CHD6: variants seen among roughly 807,000 people sequenced by gnomAD.
The protein encoded by CHD6 is chromodomain helicase DNA binding protein 6, also known as ATP-dependent chromatin remodeler CHD6.
Under a neutral mutation model 276.9 loss-of-function variants are expected in CHD6, and 50 were observed. The ratio of observed to expected loss-of-function variants is 0.18; its 90% CI spans 0.14 to 0.23. The LOEUF is 0.23. Ranked by LOEUF, CHD6 falls within the 10% of genes least tolerant of loss-of-function variation. The pLI, the probability that CHD6 is intolerant of heterozygous loss-of-function variation, is 1.00. For synonymous variants in CHD6, 1,173 were observed against 1,229.3 expected (o/e 0.95, Z 0.96); for missense variants, 2,564 against 3,365.8 (o/e 0.76, Z 5.89).
chr20:41,410,521 C>T (rs2145390772), intron 36 of CHD6, among the ~76,000 whole-genome samples: 1 of 152,304 alleles, frequency 6.6e-6, no homozygotes, highest in East Asian at 1.9e-4. Context: ...CCCTAGAAGG[C>T]CCTGTCCCAA....
At chr20:41,447,795 T>C (rs1396704563) in intron 24 of CHD6, 87 bp downstream of exon 24, 1 of 913,040 alleles carries the variant, frequency 1.1e-6, no homozygotes, top group East Asian at 2.6e-5. Context: ...TGGGCCTCTT[T>C]AAGCACAGGC....
At chr20:41,555,418 C>T (rs1158376515) in intron 1 of CHD6, among the ~76,000 whole-genome samples, 3 of 150,866 alleles carry the variant, frequency 2.0e-5, no homozygotes, top group African/African-American at 4.9e-5. Flanking sequence ...GGGCTGACCC[C>T]CACCTCCCTC....
chr20:41,596,777 T>C (rs1331449653), intron 1 of CHD6, among the ~76,000 whole-genome samples: 1 of 152,136 alleles, frequency 6.6e-6, no homozygotes, highest in African/African-American at 2.4e-5. Flanking sequence ...GAGGATCCCC[T>C]TGGGCAGGGG....
At chr20:41,527,633 T>C (rs1177332744) in intron 3 of CHD6, among the ~76,000 whole-genome samples, 1 of 152,192 alleles carries the variant, frequency 6.6e-6, no homozygotes, top group East Asian at 1.9e-4. Context: ...GACTTTTTAC[T>C]AAAGGCTATT....
chr20:41,525,420 T>G lies in CHD6; in HGVS notation c.554+7630A>C, dbSNP rs905072647. Among the ~76,000 whole-genome samples the G allele has an allele frequency of 3.3e-5, 5 of 152,264 alleles. No individual in the cohort carries two copies. The South Asian group carries it at 8.3e-4, about 25-fold the overall frequency. On this transcript the variant is annotated intron_variant, in intron 3 of 36. Coordinates refer to ENST00000373233, the MANE Select transcript of CHD6 (RefSeq NM_032221.5). The stretch of plus-strand genomic sequence containing the variant: ...CAATCCCTCCTCCAGAGCTGCCTGC[T>G]CCATTGCAAGGAGGAAACACCTCTA...
intron 19 of CHD6, among the ~76,000 whole-genome samples, chr20:41,455,322 T>C (rs2048349106): frequency 6.6e-6 from 1 of 152,234 alleles, no homozygotes; most frequent in South Asian, 2.1e-4. Flanking sequence ...TTAAATCCAG[T>C]GGCCTAAACA....
chr20:41,464,924 C>T (rs1288390738), intron 17 of CHD6, among the ~76,000 whole-genome samples: 1 of 152,026 alleles, frequency 6.6e-6, no homozygotes, highest in Non-Finnish European at 1.5e-5. Flanking sequence ...CTACCAACGG[C>T]CAAATCTGGA....
chr20:41,587,150 T>C (rs1441325368), intron 1 of CHD6, among the ~76,000 whole-genome samples: 3 of 152,212 alleles, frequency 2.0e-5, no homozygotes, highest in African/African-American at 7.2e-5. Context: ...AAAAATCAAT[T>C]ACATTTCAAC....
At chr20:41,531,803 C>CCA in intron 3 of CHD6, among the ~76,000 whole-genome samples, 1 of 152,308 alleles carries the variant, frequency 6.6e-6, no homozygotes, top group Middle Eastern at 3.4e-3. Context: ...ATAGTAAACT[C>CCA]CACGTTGCAA....
Position 41,403,623 on chromosome 20 carries a change from T to C in CHD6, c.*970A>G, listed in dbSNP as rs577497479. On this transcript the variant is annotated 3_prime_UTR_variant, in exon 37 of 37. Transcript: ENST00000373233. ...GGACCTACTAGCAAGTGTCAAAGTG[T>C]TGGGCAACTGTCTTCTTGCAGGCTC... is the stretch of plus-strand genomic sequence containing the variant. 9.4e-6 allele frequency: 10 copies of C among 1,062,124 alleles called. No homozygotes were observed. Among genetic ancestry groups the C allele is most frequent in the African/African-American group, 4.9e-5 (3 of 60,990 alleles). The allele number at this position is 1,062,124 out of a possible 1,614,324, so 65.8% of individuals were successfully genotyped here.
At position 41,496,239 on chromosome 20, in the gene CHD6, C is replaced by T. The variant is rs901687858; in HGVS notation, c.1092+1145G>A. On this transcript the variant is annotated intron_variant, in intron 8 of 36. Coordinates refer to ENST00000373233, the MANE Select transcript of CHD6 (RefSeq NM_032221.5). ...ATATGTTTTCTCCCTAGAACTGCTACCCAGTCATTTTCCTCATTTCAGAAC... is the reference window on the plus strand; with the variant it reads ...ATATGTTTTCTCCCTAGAACTGCTATCCAGTCATTTTCCTCATTTCAGAAC... Among the ~76,000 whole-genome samples, 3 of 152,136 alleles carry T rather than the reference C, an allele frequency of 2.0e-5. No individual in the cohort carries two copies. The East Asian group carries it at 5.8e-4, about 29-fold the overall frequency.
intron 27 of CHD6, among the ~76,000 whole-genome samples, chr20:41,434,639 G>T (rs958031886): frequency 3.0e-4 from 45 of 152,098 alleles, no homozygotes; most frequent in African/African-American, 1.1e-3. Context: ...CAAAGTGCTG[G>T]GACTACAGGC....
chr20:41,441,499 T>C (rs1478245285), intron 25 of CHD6, among the ~76,000 whole-genome samples: 1 of 152,148 alleles, frequency 6.6e-6, no homozygotes, highest in African/African-American at 2.4e-5. Context: ...GGTGAGATGG[T>C]GAAATCCTTC....
chr20:41,454,419 G>A (rs1052436894), intron 20 of CHD6, among the ~76,000 whole-genome samples: 9 of 152,186 alleles, frequency 5.9e-5, no homozygotes, highest in Admixed American at 5.9e-4. Flanking sequence ...TTTCCCAGGT[G>A]CCCAACAGAC....
At position 41,417,251 on chromosome 20, in the gene CHD6, T is replaced by C. The variant is rs776861543; in HGVS notation, c.6226A>G (p.Ile2076Val). Reference sequence around the variant, plus strand: ...GTTTTCTCCTGTAGCAGCTGAGCAATAGTGGGAGCTCGAGCCTCCTGTAGC... The same window carrying C: ...GTTTTCTCCTGTAGCAGCTGAGCAACAGTGGGAGCTCGAGCCTCCTGTAGC... The part of the protein sequence containing the change: ...DELQEARAPT[I>V]AQLLQEKTLY... The change falls in exon 32 of 37, where the codon ATT becomes GTT. Residue 2076 changes from isoleucine (I) to valine (V), a missense_variant. By Grantham distance (29) the Ile-to-Val change is conservative (BLOSUM62 3). Around this residue, in one of 7 missense-constraint regions of CHD6, gnomAD observed 1,024 missense variants for 1,047.9 expected, o/e 0.98. Transcript: ENST00000373233. 2.4e-5 allele frequency: 38 copies of C among 1,614,022 alleles called. No individual in the cohort carries two copies. Among genetic ancestry groups the C allele is most frequent in the East Asian group, 4.5e-5 (2 of 44,892 alleles).
intron 1 of CHD6, among the ~76,000 whole-genome samples, chr20:41,599,921 A>G (rs2045756983): frequency 6.6e-6 from 1 of 152,212 alleles, no homozygotes. Context: ...GTCCAACTCC[A>G]GCCAATGGGG....
At position 41,473,247 on chromosome 20, in the gene CHD6, A is replaced by T. The variant is rs1354097659; in HGVS notation, c.2664+75T>A. ...GCATAGAGCATCACGGATGCTCTGT[A>T]GCCAAGCCAGGCCCTATCATGATGT... On this transcript the variant is annotated intron_variant, in intron 17 of 36. Transcript: ENST00000373233. This position sits in a 1 kb window ranked among gnomAD's most constrained non-coding sequence, Gnocchi z 4.1. 1 of 1,436,840 alleles carries T rather than the reference A, an allele frequency of 7.0e-7. No individual in the cohort carries two copies. Among genetic ancestry groups the T allele is most frequent in the Non-Finnish European group, 9.6e-7 (1 of 1,040,560 alleles). The allele number at this position is 1,436,840 out of a possible 1,614,324, so 89.0% of individuals were successfully genotyped here. A position where few individuals can be genotyped will look rare whatever the true frequency, so the allele number is the denominator to read the frequency against.
At chr20:41,442,188 C>T (rs971476060) in intron 25 of CHD6, among the ~76,000 whole-genome samples, 2 of 152,060 alleles carry the variant, frequency 1.3e-5, no homozygotes, top group African/African-American at 2.4e-5. Flanking sequence ...GCCTGTAATA[C>T]CAGCACTTTA....
rs1404499337 is a variant in CHD6 at position 41,413,331 on chromosome 20, A to G, written c.7124T>C (p.Phe2375Ser). Reference sequence around the variant, plus strand: ...GTACCAACAAACACTTACTGCCCCAAAGCCAGGAACTTCTAAGGAGTAGTC... The same window carrying G: ...GTACCAACAAACACTTACTGCCCCAGAGCCAGGAACTTCTAAGGAGTAGTC... ...QADYSLEVPGFGANFSDKPKQ... is the reference protein window; with the variant it reads ...QADYSLEVPGSGANFSDKPKQ... Residue 2375 changes from phenylalanine (F) to serine (S), a missense_variant, in exon 35 of 37, where the codon TTT becomes TCT. Physicochemically the swap from Phe to Ser is radical, Grantham distance 155 (BLOSUM62 -2). Transcript: ENST00000373233. 2 of 1,599,878 alleles carry G rather than the reference A, an allele frequency of 1.3e-6. No individual in the cohort carries two copies. The highest frequency in any genetic ancestry group is 1.7e-6 in the Non-Finnish European group (2 of 1,172,600).
Sources: allele counts gnomAD v4.1 joint callset (sites outside exome capture counted in the v4.1 genomes callset), GRCh38; gene constraint gnomAD v4.1.1; regional missense constraint gnomAD v4.1.1; non-coding constraint Gnocchi (gnomAD v3.1); transcripts MANE v1.5; gene names NCBI Gene and HGNC (gene_info 2026-07-23, HGNC 2026-07-21).